Variants in JAG1 observed in about 807,000 individuals in gnomAD.
The protein encoded by JAG1 is protein jagged-1.
A neutral mutation model predicts 148.7 loss-of-function variants in JAG1; 23 were observed. The observed-to-expected ratio is 0.15, with a 90% confidence interval of 0.11 to 0.22. The LOEUF (loss-of-function observed/expected upper bound fraction) is 0.22, where lower values mean the gene tolerates loss of function less well. JAG1 is among the 10% of genes least tolerant of loss of function. JAG1 has a pLI of 1.00. For synonymous variants in JAG1, 572 were observed against 598.3 expected (o/e 0.96, Z 0.64); for missense variants, 1,054 against 1,611.2 (o/e 0.65, Z 5.92).
rs1176343088 is a variant in JAG1 at position 10,641,484 on chromosome 20, G to C, written c.2892C>G (p.Thr964=). 1.9e-6 allele frequency: 3 copies of C among 1,613,868 alleles called. No individual in the cohort carries two copies. Among genetic ancestry groups the C allele is most frequent in the East Asian group, 2.2e-5 (1 of 44,890 alleles). ...YQDNCANITF[T]FNKEMMSPGL... is the part of the protein sequence containing the mutation. The stretch of plus-strand genomic sequence containing the variant: ...CTGGTGACATCATCTCCTTGTTAAA[G>C]GTAAATGTGATGTTCGCACAGTTAT... Residue 964 remains threonine (T), a synonymous_variant, in exon 23 of 26, where the codon ACC becomes ACG. Transcript: ENST00000254958.
chr20:10,668,058 C>T (rs73604316), intron 2 of JAG1, among the ~76,000 whole-genome samples: 9,283 of 144,870 alleles, frequency 0.064, 487 homozygotes, highest in East Asian at 0.24. Context: ...TCCCAGCACA[C>T]GCACTGCACC....
At chr20:10,656,308 G>T in intron 5 of JAG1, 90 bp downstream of exon 5, 2 of 1,067,724 alleles carry the variant, frequency 1.9e-6, no homozygotes, top group South Asian at 1.3e-5. Flanking sequence ...TGTTCTCCAA[G>T]GAAAAAAGAG....
chr20:10,645,927 A>T lies in JAG1; in HGVS notation c.1999+44T>A. ...CACGTTGAAGTGGGATCCCTCCAAC[A>T]TGACCCATACATCCCAGAGCTCCCC... On this transcript the variant is annotated intron_variant, in intron 15 of 25. Transcript: ENST00000254958. The surrounding 1 kb of genome is among the most constrained non-coding windows in gnomAD (Gnocchi z 6.1). 7.6e-7 allele frequency: 1 copy of T among 1,314,208 alleles called. No homozygotes were observed. Among genetic ancestry groups the T allele is most frequent in the Non-Finnish European group, 1.1e-6 (1 of 906,354 alleles). 81.4% of individuals were successfully genotyped at this position (1,314,208 alleles called of 1,614,324 possible).
At position 10,648,570 on chromosome 20, in the gene JAG1, A is replaced by C. The variant is rs1395739561; in HGVS notation, c.1548T>G (p.Gly516=). Residue 516 remains glycine (G), a synonymous_variant, in exon 12 of 26, where the codon GGT becomes GGG. Transcript: ENST00000254958. The stretch of plus-strand genomic sequence containing the variant: ...TCACCTGACAGAGGTTTCCAGAGAA[A>C]CCAGTGGGACACAGACACTGGAATC... ...INRFQCLCPT[G]FSGNLCQLDI... 1 of 1,613,730 alleles carries C rather than the reference A, an allele frequency of 6.2e-7. No individual in the cohort carries two copies. Among genetic ancestry groups the C allele is most frequent in the South Asian group, 1.1e-5 (1 of 91,058 alleles).
At chr20:10,650,505 C>A (rs189648297) in intron 8 of JAG1, 145 bp from the exon 9 acceptor site, 1 of 668,624 alleles carries the variant, frequency 1.5e-6, no homozygotes, top group Non-Finnish European at 2.7e-6. Flanking sequence ...ACAAGTGGGA[C>A]GGTGACGATA....
intron 2 of JAG1, among the ~76,000 whole-genome samples, chr20:10,667,234 C>T (rs2067460603): frequency 6.6e-6 from 1 of 152,214 alleles, no homozygotes; most frequent in Non-Finnish European, 1.5e-5. Flanking sequence ...GCAGGCCCGC[C>T]GGCGGCACGC....
At chr20:10,668,144 T>C (rs79892978) in intron 2 of JAG1, among the ~76,000 whole-genome samples, 4,699 of 145,686 alleles carry the variant, frequency 0.032, 248 homozygotes, top group African/African-American at 0.11. Flanking sequence ...CTGTGGTCCA[T>C]GCGGTAATCA....
Position 10,644,488 on chromosome 20 carries a change from C to T in JAG1, c.2345-104G>A, listed in dbSNP as rs2122601735. The stretch of plus-strand genomic sequence containing the variant: ...TTTCCTAATACCCAAATGATAAAGT[C>T]GTAGTTAACACCAGCAAAATACCTT... On this transcript the variant is annotated intron_variant, in intron 18 of 25. Coordinates refer to ENST00000254958, the MANE Select transcript of JAG1 (RefSeq NM_000214.3). 1.2e-5 allele frequency: 11 copies of T among 898,696 alleles called. 1 individual carries two copies. Among genetic ancestry groups the T allele is most frequent in the East Asian group, 5.0e-5 (2 of 39,948 alleles). 55.7% of individuals were successfully genotyped at this position (898,696 alleles called of 1,614,324 possible).
Position 10,643,791 on chromosome 20 carries a change from G to C in JAG1, c.2445C>G (p.Pro815=). The C allele has an allele frequency of 6.2e-7, 1 of 1,613,838 alleles. No homozygotes were observed. Residue 815 remains proline, a synonymous_variant, in exon 20 of 26, where the codon CCC becomes CCG. Coordinates refer to ENST00000254958, the MANE Select transcript of JAG1 (RefSeq NM_000214.3). ...RCECAPGFAG[P]DCRININECQ... is the part of the protein sequence containing the mutation. ...GACAGTCCTTACTTATTCTGCAGTCGGGCCCAGCAAAACCCGGGGCACATT... is the reference window on the plus strand; with the variant it reads ...GACAGTCCTTACTTATTCTGCAGTCCGGCCCAGCAAAACCCGGGGCACATT...
rs1252063032 is a variant in JAG1, at chr20:10,641,053, A to C, written c.3048+60T>G. Reference sequence around the variant, plus strand: ...GTCAGTGAATTTGCTCCATTCAGACACTGGTTAACCGAACTGCCTTGCCAT... The same window carrying C: ...GTCAGTGAATTTGCTCCATTCAGACCCTGGTTAACCGAACTGCCTTGCCAT... On this transcript the variant is annotated intron_variant, in intron 24 of 25. Transcript: ENST00000254958. The C allele has an allele frequency of 1.9e-6, 3 of 1,612,804 alleles. No homozygotes were observed. In the African/African-American group the frequency reaches 4.0e-5, roughly 22 times the overall value.
chr20:10,646,389 A>C, intron 14 of JAG1: 1 of 418,294 alleles, frequency 2.4e-6, no homozygotes, highest in Non-Finnish European at 4.5e-6. Flanking sequence ...ATGTTCCAAC[A>C]TAGATATGGA....
At chr20:10,661,707 CCAGGATGGCAG>C (rs111704597) in intron 3 of JAG1, among the ~76,000 whole-genome samples, 12,822 of 151,306 alleles carry the variant, frequency 0.085, 781 homozygotes, top group East Asian at 0.22. Context: ...TCTGAAAAGA[CCAGGATGGCAG>C]AAGAATGGAG....
intron 13 of JAG1, chr20:10,647,367 C>T: frequency 1.9e-6 from 1 of 535,854 alleles, no homozygotes; most frequent in Non-Finnish European, 3.4e-6. Flanking sequence ...CTTCATCCTA[C>T]CTTTGACATC....
At chr20:10,644,274 T>A (rs371224345) in intron 19 of JAG1, 83 bp downstream of exon 19, 2 of 688,548 alleles carry the variant, frequency 2.9e-6, no homozygotes, top group Non-Finnish European at 4.5e-6. Flanking sequence ...CCTGGGTGAT[T>A]CTCACACACA....
chr20:10,656,699 T>C (rs1852692218), intron 4 of JAG1, among the ~76,000 whole-genome samples: 3 of 152,126 alleles, frequency 2.0e-5, no homozygotes, highest in Admixed American at 6.5e-5. Flanking sequence ...TGCAGACAAG[T>C]TGACGAGGGA....
chr20:10,673,754 C>T lies in JAG1; in HGVS notation c.-224G>A, dbSNP rs988264567. 1.6e-5 allele frequency: 4 copies of T among 243,382 alleles called. No homozygotes were observed. Among genetic ancestry groups the T allele is most frequent in the Middle Eastern group, 1.3e-3 (1 of 798 alleles). The allele number at this position is 243,382 out of a possible 1,614,324, so 15.1% of individuals were successfully genotyped here. Reference sequence around the variant, plus strand: ...AAGAGCCCGGCCTCCTTTTATTATTCTGATCGCTTCTTTGAGACGCTCCCC... The same window carrying T: ...AAGAGCCCGGCCTCCTTTTATTATTTTGATCGCTTCTTTGAGACGCTCCCC... On this transcript the variant is annotated 5_prime_UTR_variant, in exon 1 of 26. Coordinates refer to ENST00000254958, the MANE Select transcript of JAG1 (RefSeq NM_000214.3). This position sits in a 1 kb window ranked among gnomAD's most constrained non-coding sequence, Gnocchi z 4.7.
intron 2 of JAG1, among the ~76,000 whole-genome samples, chr20:10,665,026 G>A (rs757504311): frequency 6.6e-6 from 1 of 152,192 alleles, no homozygotes; most frequent in Non-Finnish European, 1.5e-5. Flanking sequence ...CAAGGCAGGT[G>A]GGGTAGACAA....
chr20:10,672,090 T>C (rs1272582374), intron 2 of JAG1, among the ~76,000 whole-genome samples: 1 of 152,152 alleles, frequency 6.6e-6, no homozygotes, highest in Non-Finnish European at 1.5e-5. Flanking sequence ...TTCCCAGGTC[T>C]ACAGCTCCTG....
At chr20:10,642,083 A>G (rs916180842) in intron 21 of JAG1, among the ~76,000 whole-genome samples, 191 bp from the exon 22 acceptor site, 2 of 152,168 alleles carry the variant, frequency 1.3e-5, no homozygotes, top group African/African-American at 4.8e-5. Context: ...GCTCTGGCCA[A>G]TGTAACATTG....
Sources: allele counts gnomAD v4.1 joint callset (sites outside exome capture counted in the v4.1 genomes callset), GRCh38; gene constraint gnomAD v4.1.1; non-coding constraint Gnocchi (gnomAD v3.1); transcripts MANE v1.5; gene names NCBI Gene and HGNC (gene_info 2026-07-23, HGNC 2026-07-21).